MYO5B: variants seen among roughly 807,000 people sequenced by gnomAD.
MYO5B encodes unconventional myosin-Vb.
A neutral mutation model predicts 229.3 loss-of-function variants in MYO5B; 143 were observed. The observed-to-expected ratio is 0.62, with a 90% CI of 0.54 to 0.72. MYO5B has a LOEUF of 0.72. MYO5B is among the 30% of genes least tolerant of loss of function. The probability of loss-of-function intolerance (pLI) is 0.00; values close to 1 mark genes in which losing one functional copy is unlikely to be tolerated. For missense variants in MYO5B, 2,321 were observed against 2,331.0 expected (o/e 1.00, Z 0.09); for synonymous variants, 918 against 885.2 (o/e 1.04, Z -0.66).
chr18:49,977,029 G>A lies in MYO5B; in HGVS notation c.1057-2414C>T, dbSNP rs954548170. On this transcript the variant is annotated intron_variant, in intron 9 of 39. Coordinates refer to ENST00000285039, the MANE Select transcript of MYO5B (RefSeq NM_001080467.3). ...CCATGACTGCCCAAGACATGCCCACGGGCACCCTCCCCTGCCTAAGGCCTC... is the reference window on the plus strand; with the variant it reads ...CCATGACTGCCCAAGACATGCCCACAGGCACCCTCCCCTGCCTAAGGCCTC... 4.6e-5 allele frequency among the ~76,000 whole-genome samples: 7 copies of A among 152,142 alleles called. No individual in the cohort carries two copies. The East Asian group carries it at 7.7e-4, about 17-fold the overall frequency.
intron 28 of MYO5B, among the ~76,000 whole-genome samples, chr18:49,863,899 C>T (rs922473741): frequency 7.2e-5 from 11 of 152,170 alleles, no homozygotes; most frequent in African/African-American, 2.7e-4. Context: ...CCTGAGGTTA[C>T]CTATTAAACA....
intron 29 of MYO5B, among the ~76,000 whole-genome samples, chr18:49,860,734 T>A (rs1473306822): frequency 6.6e-6 from 1 of 152,206 alleles, no homozygotes; most frequent in African/African-American, 2.4e-5. Flanking sequence ...GAGTGTAACT[T>A]CCTCTAGGGA....
intron 1 of MYO5B, among the ~76,000 whole-genome samples, chr18:50,120,970 T>C (rs1441271324): frequency 1.3e-5 from 2 of 152,192 alleles, no homozygotes; most frequent in African/African-American, 4.8e-5. Context: ...ACCTCCAGCC[T>C]GCCCTCCAGC....
intron 10 of MYO5B, 83 bp downstream of exon 10, chr18:49,974,267 C>T: frequency 6.3e-7 from 1 of 1,594,518 alleles, no homozygotes; most frequent in South Asian, 1.1e-5. Flanking sequence ...CCAGGAAGCT[C>T]TCCAATGCCC....
intron 1 of MYO5B, among the ~76,000 whole-genome samples, chr18:50,122,590 GA>G (rs1231018228): frequency 2.7e-5 from 3 of 109,830 alleles, no homozygotes; most frequent in African/African-American, 1.0e-4. Context: ...GAGAGGAAGA[GA>G]GGGGGAGAGA....
At chr18:50,040,803 G>A (rs185102826) in intron 2 of MYO5B, among the ~76,000 whole-genome samples, 5 of 152,134 alleles carry the variant, frequency 3.3e-5, no homozygotes, top group African/African-American at 7.2e-5. Flanking sequence ...CTAACTGCAC[G>A]TTCTTCTAGG....
At chr18:50,000,430 C>T (rs557257938) in intron 5 of MYO5B, among the ~76,000 whole-genome samples, 3 of 152,322 alleles carry the variant, frequency 2.0e-5, no homozygotes, top group African/African-American at 7.2e-5. Flanking sequence ...CTCCTACCAA[C>T]TGTAACCAAG....
chr18:50,017,713 A>G (rs982515573), intron 4 of MYO5B, among the ~76,000 whole-genome samples: 1 of 152,198 alleles, frequency 6.6e-6, no homozygotes, highest in Non-Finnish European at 1.5e-5. Flanking sequence ...GTTGTTGAAA[A>G]TCTCATACTT....
At chr18:49,899,874 C>A (rs2024820958) in intron 21 of MYO5B, among the ~76,000 whole-genome samples, 1 of 152,212 alleles carries the variant, frequency 6.6e-6, no homozygotes, top group African/African-American at 2.4e-5. Flanking sequence ...TAACACCTGC[C>A]ACCACTCACA....
chr18:49,916,149 T>C (rs1371995496), intron 17 of MYO5B, among the ~76,000 whole-genome samples: 1 of 152,262 alleles, frequency 6.6e-6, no homozygotes, highest in African/African-American at 2.4e-5. Flanking sequence ...TAGTTCTCCT[T>C]AAGAGTTTGC....
intron 4 of MYO5B, 24 bp downstream of exon 4, chr18:50,036,826 C>G (rs1443354268): frequency 2.5e-6 from 4 of 1,613,694 alleles, no homozygotes; most frequent in Non-Finnish European, 2.5e-6. Flanking sequence ...CTCAGGAGGA[C>G]TTCTGGGCTG....
chr18:50,011,324 A>C (rs965132267), intron 4 of MYO5B, among the ~76,000 whole-genome samples: 14 of 152,194 alleles, frequency 9.2e-5, no homozygotes, highest in African/African-American at 3.4e-4. Context: ...CCTGGGCGAC[A>C]GATCGTTCCT....
intron 1 of MYO5B, among the ~76,000 whole-genome samples, chr18:50,076,407 G>A (rs1311602128): frequency 6.6e-6 from 1 of 152,136 alleles, no homozygotes; most frequent in Non-Finnish European, 1.5e-5. Context: ...AGTAGCATGA[G>A]GGTGAAACAG....
At chr18:50,114,409 C>T (rs992579018) in intron 1 of MYO5B, among the ~76,000 whole-genome samples, 1 of 152,338 alleles carries the variant, frequency 6.6e-6, no homozygotes, top group South Asian at 2.1e-4. Flanking sequence ...GCCGCACTGA[C>T]TCCTCCAAGC....
chr18:50,043,255 T>C (rs2030075953), intron 2 of MYO5B, among the ~76,000 whole-genome samples: 1 of 122,872 alleles, frequency 8.1e-6, no homozygotes, highest in South Asian at 2.4e-4. Flanking sequence ...TATACATAAA[T>C]ATTCATATAT....
intron 4 of MYO5B, among the ~76,000 whole-genome samples, chr18:50,034,996 A>T (rs1020722966): frequency 2.0e-5 from 3 of 152,182 alleles, no homozygotes; most frequent in Non-Finnish European, 4.4e-5. Context: ...CTAGGGCAAG[A>T]CAGTATCACA....
At chr18:49,868,721 G>A (rs950313518) in intron 27 of MYO5B, among the ~76,000 whole-genome samples, 7 of 152,086 alleles carry the variant, frequency 4.6e-5, no homozygotes, top group Admixed American at 4.6e-4. Flanking sequence ...TTGCACACTG[G>A]CCGGGGCTAA....
At chr18:50,045,292 C>T (rs1010584172) in intron 2 of MYO5B, among the ~76,000 whole-genome samples, 2 of 152,154 alleles carry the variant, frequency 1.3e-5, no homozygotes, top group Non-Finnish European at 2.9e-5. Flanking sequence ...GGCTATGACA[C>T]AGGGCTGCAA....
intron 5 of MYO5B, among the ~76,000 whole-genome samples, chr18:49,999,634 G>A (rs1349334981): frequency 6.6e-6 from 1 of 152,240 alleles, no homozygotes; most frequent in Non-Finnish European, 1.5e-5. Context: ...GCAGGCTGTA[G>A]TATTAAAGGG....
Sources: gnomAD v4.1 joint callset for allele counts (sites outside exome capture counted in the v4.1 genomes callset) on GRCh38, gnomAD v4.1.1 for gene constraint, MANE v1.5 for transcripts, NCBI Gene and HGNC (gene_info 2026-07-23, HGNC 2026-07-21) for gene names.